The following KCNJ6 variants were observed in gnomAD, a reference collection of about 807,000 sequenced individuals.
The protein encoded by KCNJ6 is potassium inwardly rectifying channel subfamily J member 6.
KCNJ6 carries 9 observed loss-of-function variants against 34.2 expected under a neutral mutation model. The ratio of observed to expected loss-of-function variants is 0.26; its 90% CI spans 0.16 to 0.46. KCNJ6 has a LOEUF of 0.46. KCNJ6 is among the 20% of genes least tolerant of loss of function. The pLI is 1.00. For synonymous variants in KCNJ6, 196 were observed against 207.1 expected, an observed-to-expected ratio of 0.95 and a Z score of 0.46; for missense variants, 236 against 531.3, an observed-to-expected ratio of 0.44 and a Z score of 5.46.
At chr21:37,764,585 G>A (rs1443725079) in intron 2 of KCNJ6, among the ~76,000 whole-genome samples, 1 of 152,034 alleles carries the variant, frequency 6.6e-6, no homozygotes, top group African/African-American at 2.4e-5. Flanking sequence ...TGCCATGTTG[G>A]CCAGGCTGGT....
intron 2 of KCNJ6, among the ~76,000 whole-genome samples, chr21:37,730,557 G>C (rs1167178989): frequency 1.3e-5 from 2 of 152,210 alleles, no homozygotes; most frequent in South Asian, 4.1e-4. Context: ...GTCGAAGAAG[G>C]TACACAATTT....
chr21:37,891,128 G>C lies in KCNJ6; in HGVS notation c.-28+24756C>G, dbSNP rs144428516. Reference sequence around the variant, plus strand: ...AGGACTGGGAAGCAGGGAAGGCATAGGGGACGGGCTTTCCTCCTTGCTTTC... The same window carrying C: ...AGGACTGGGAAGCAGGGAAGGCATACGGGACGGGCTTTCCTCCTTGCTTTC... On this transcript the variant is annotated intron_variant, in intron 1 of 3. Transcript: ENST00000609713. 4.4e-3 allele frequency among the ~76,000 whole-genome samples: 668 copies of C among 152,296 alleles called. 1 individual carries two copies. The highest frequency in any genetic ancestry group is 0.01 in the Middle Eastern group (3 of 294).
At chr21:37,793,545 CAA>C (rs954872713) in intron 2 of KCNJ6, among the ~76,000 whole-genome samples, 32 of 19,894 alleles carry the variant, frequency 1.6e-3, no homozygotes, top group East Asian at 5.6e-3. Context: ...GACTCCATCT[CAA>C]AAAAAAAAAA....
At chr21:37,642,004 C>T (rs912283996) in intron 3 of KCNJ6, among the ~76,000 whole-genome samples, 5 of 152,120 alleles carry the variant, frequency 3.3e-5, no homozygotes, top group East Asian at 1.9e-4. Flanking sequence ...GGCAACAGGA[C>T]GGATGGATGG....
chr21:37,863,846 G>GTTTTTTTTTTTTTTTTTTTTTTT lies in KCNJ6; in HGVS notation c.-27-23138_-27-23137insAAAAAAAAAAAAAAAAAAAAAAA, dbSNP rs772060420. On this transcript the variant is annotated intron_variant, in intron 1 of 3. Coordinates refer to ENST00000609713, the MANE Select transcript of KCNJ6 (RefSeq NM_002240.5). ...CTTTAAGCAATTTTAAAATATAAAG[G>GTTTTTTTTTTTTTTTTTTTTTTT]TTTTTTTTTTTTTGTTTTTTTTTTT... is the stretch of plus-strand genomic sequence containing the variant. Among the ~76,000 whole-genome samples, 17 of 97,060 alleles carry GTTTTTTTTTTTTTTTTTTTTTTT rather than the reference G, an allele frequency of 1.8e-4. 5 individuals carry two copies. Among genetic ancestry groups the GTTTTTTTTTTTTTTTTTTTTTTT allele is most frequent in the African/African-American group, 3.5e-4 (8 of 23,084 alleles). The allele number at this position is 97,060 out of a possible 152,430, so 63.7% of individuals were successfully genotyped here. A position where few individuals can be genotyped will look rare whatever the true frequency, so the allele number is the denominator to read the frequency against.
chr21:37,910,207 T>C (rs1372469132), intron 1 of KCNJ6, among the ~76,000 whole-genome samples: 1 of 152,120 alleles, frequency 6.6e-6, no homozygotes, highest in East Asian at 1.9e-4. Flanking sequence ...GGGTTGCTGT[T>C]ACTGCCCCAA....
At chr21:37,820,295 C>A (rs2055367773) in intron 2 of KCNJ6, among the ~76,000 whole-genome samples, 1 of 152,132 alleles carries the variant, frequency 6.6e-6, no homozygotes, top group Admixed American at 6.5e-5. Context: ...CAGCTTTTTG[C>A]TTGAATAAAC....
chr21:37,678,291 A>AT (rs1371556514), intron 3 of KCNJ6, among the ~76,000 whole-genome samples: 7 of 152,246 alleles, frequency 4.6e-5, no homozygotes, highest in East Asian at 1.9e-4. Context: ...GTAAGGTAGC[A>AT]TTGTAAAAGG....
chr21:37,644,603 T>G (rs775166375), intron 3 of KCNJ6, among the ~76,000 whole-genome samples: 1 of 152,210 alleles, frequency 6.6e-6, no homozygotes, highest in East Asian at 1.9e-4. Flanking sequence ...CTGACTGATA[T>G]TTCAGAAGTA....
At chr21:37,809,481 A>T (rs9984701) in intron 2 of KCNJ6, among the ~76,000 whole-genome samples, 78,338 of 150,790 alleles carry the variant, frequency 0.52, 23,530 homozygotes, top group South Asian at 0.7. Flanking sequence ...CACATGTAAC[A>T]AACCTGCACA....
intron 2 of KCNJ6, among the ~76,000 whole-genome samples, chr21:37,726,308 G>A (rs1488377672): frequency 6.6e-6 from 1 of 152,082 alleles, no homozygotes; most frequent in African/African-American, 2.4e-5. Context: ...CTTCCAATAT[G>A]GTAGATGTTA....
chr21:37,899,151 G>A (rs916333628), intron 1 of KCNJ6, among the ~76,000 whole-genome samples: 4 of 152,136 alleles, frequency 2.6e-5, no homozygotes, highest in Non-Finnish European at 4.4e-5. Flanking sequence ...AGGGAGAGAC[G>A]GCTCCGTCTG....
intron 1 of KCNJ6, among the ~76,000 whole-genome samples, chr21:37,887,678 GA>G (rs2055742510): frequency 6.6e-6 from 1 of 152,168 alleles, no homozygotes; most frequent in South Asian, 2.1e-4. Flanking sequence ...TGACCTTCAA[GA>G]AGAAACAGGA....
At chr21:37,758,571 T>C (rs1003905497) in intron 2 of KCNJ6, among the ~76,000 whole-genome samples, 1 of 152,236 alleles carries the variant, frequency 6.6e-6, no homozygotes. Flanking sequence ...TCAACTCTTA[T>C]GAGCCAGAGG....
chr21:37,840,632 T>TA, intron 2 of KCNJ6, 26 bp downstream of exon 2: 1 of 1,556,294 alleles, frequency 6.4e-7, no homozygotes, highest in Non-Finnish European at 8.8e-7. Context: ...AAACAAAAAA[T>TA]AAATAATAAA....
intron 2 of KCNJ6, among the ~76,000 whole-genome samples, chr21:37,816,709 G>A (rs898408560): frequency 6.6e-6 from 1 of 152,172 alleles, no homozygotes; most frequent in Non-Finnish European, 1.5e-5. Flanking sequence ...ATAGAGACGT[G>A]CCGCCTCTGC....
chr21:37,822,945 A>G (rs1011786839), intron 2 of KCNJ6, among the ~76,000 whole-genome samples: 1 of 152,220 alleles, frequency 6.6e-6, no homozygotes, highest in Admixed American at 6.5e-5. Flanking sequence ...CATCACTTTG[A>G]ACAACTTGTC....
At chr21:37,683,073 C>T (rs939664266) in intron 3 of KCNJ6, among the ~76,000 whole-genome samples, 4 of 152,200 alleles carry the variant, frequency 2.6e-5, no homozygotes, top group East Asian at 1.9e-4. Flanking sequence ...CAGTCTCTGG[C>T]GTCAAGCGAG....
chr21:37,861,958 G>T (rs943167746), intron 1 of KCNJ6, among the ~76,000 whole-genome samples: 1 of 152,200 alleles, frequency 6.6e-6, no homozygotes, highest in Non-Finnish European at 1.5e-5. Context: ...TGGGGCTGTA[G>T]GTCAGCACTC....
Sources: gnomAD v4.1 joint callset for allele counts (sites outside exome capture counted in the v4.1 genomes callset) on GRCh38, gnomAD v4.1.1 for gene constraint, MANE v1.5 for transcripts, NCBI Gene and HGNC (gene_info 2026-07-23, HGNC 2026-07-21) for gene names.